ABCA8: variants seen among roughly 807,000 people sequenced by gnomAD.
The protein encoded by ABCA8 is ATP binding cassette subfamily A member 8, also known as ABC-type organic anion transporter ABCA8.
In ABCA8, 177 loss-of-function variants were observed where a neutral mutation model predicts 192.3. That is an observed-to-expected ratio of 0.92 (90% CI 0.81 to 1.04). ABCA8 has a LOEUF of 1.04. ABCA8 is among the 50% of genes least tolerant of loss of function. The pLI is 0.00. For missense variants in ABCA8, 1,915 were observed against 1,904.8 expected, an observed-to-expected ratio of 1.01 and a Z score of -0.10; for synonymous variants, 642 against 690.2, an observed-to-expected ratio of 0.93 and a Z score of 1.09.
intron 24 of ABCA8, among the ~76,000 whole-genome samples, chr17:68,887,907 TCC>T (rs72340258): frequency 0.28 from 14,956 of 54,256 alleles, 1,634 homozygotes; most frequent in East Asian, 0.56. Flanking sequence ...TATATATATA[TCC>T]ATATATATAT....
intron 2 of ABCA8, among the ~76,000 whole-genome samples, chr17:68,942,494 T>A (rs1868269462): frequency 6.6e-6 from 1 of 152,172 alleles, no homozygotes; most frequent in Non-Finnish European, 1.5e-5. Context: ...TTTTCTCCAA[T>A]GCAAAGTACC....
At chr17:68,929,275 C>T (rs370719463) in intron 8 of ABCA8, 41 bp from the exon 9 acceptor site, 1 of 1,443,146 alleles carries the variant, frequency 6.9e-7, no homozygotes, top group East Asian at 2.3e-5. Context: ...GTTTCTCTAA[C>T]ATTATTACTA....
chr17:68,896,668 C>G (rs1310144364), intron 21 of ABCA8, among the ~76,000 whole-genome samples: 1 of 151,982 alleles, frequency 6.6e-6, no homozygotes, highest in East Asian at 1.9e-4. Flanking sequence ...TTCAGTTAAC[C>G]CTGATTTTAC....
At chr17:68,887,961 TATAC>T (rs2066531297) in intron 24 of ABCA8, among the ~76,000 whole-genome samples, 2 of 135,724 alleles carry the variant, frequency 1.5e-5, no homozygotes, top group South Asian at 2.3e-4. Flanking sequence ...TATGGATATA[TATAC>T]ACACACATAT....
chr17:68,917,839 T>A (rs1216585765), intron 16 of ABCA8, among the ~76,000 whole-genome samples: 2 of 152,220 alleles, frequency 1.3e-5, no homozygotes, highest in Non-Finnish European at 2.9e-5. Context: ...AGATCATGCT[T>A]CTATGTGACC....
Position 68,893,982 on chromosome 17 carries a change from A to G in ABCA8, c.3036+191T>C, listed in dbSNP as rs1013575779. On this transcript the variant is annotated intron_variant, in intron 23 of 39. Coordinates refer to ENST00000586539, the MANE Select transcript of ABCA8 (RefSeq NM_001288985.2). ...CTTTGAAAAATGTTTTGTTCATTTT[A>G]TTTTACTTTAAACAAATTGAAGCTC... 1.1e-5 allele frequency: 6 copies of G among 550,876 alleles called. No homozygotes were observed. In the African/African-American group the frequency reaches 1.2e-4, roughly 11 times the overall value. 34.1% of individuals were successfully genotyped at this position (550,876 alleles called of 1,614,324 possible).
intron 6 of ABCA8, 120 bp downstream of exon 6, chr17:68,933,048 A>C: frequency 1.4e-6 from 1 of 729,274 alleles, no homozygotes; most frequent in South Asian, 1.7e-5. Flanking sequence ...AGTAAACTTC[A>C]GAGTGAGCAA....
At position 68,887,936 on chromosome 17, in the gene ABCA8, T is replaced by G. The variant is rs1450141517; in HGVS notation, c.3145-430A>C. ...TATATATATATATATTATATATGGA[T>G]ATATATATTATATATATGGATATAT... On this transcript the variant is annotated intron_variant, in intron 24 of 39. Transcript: ENST00000586539. 3.5e-3 allele frequency among the ~76,000 whole-genome samples: 361 copies of G among 103,696 alleles called. 25 individuals are homozygous for G. The highest frequency in any genetic ancestry group is 0.012 in the African/African-American group (350 of 28,684). 68.0% of individuals were successfully genotyped at this position (103,696 alleles called of 152,430 possible). A position where few individuals can be genotyped will look rare whatever the true frequency, so the allele number is the denominator to read the frequency against.
intron 18 of ABCA8, among the ~76,000 whole-genome samples, chr17:68,906,387 A>G (rs986966344): frequency 5.3e-5 from 8 of 152,144 alleles, no homozygotes; most frequent in Non-Finnish European, 1.0e-4. Context: ...GTCAAACATT[A>G]ATTTATATTC....
At chr17:68,909,015 AT>A (rs1013521232) in intron 17 of ABCA8, among the ~76,000 whole-genome samples, 1 of 152,148 alleles carries the variant, frequency 6.6e-6, no homozygotes, top group Non-Finnish European at 1.5e-5. Flanking sequence ...AATATATGCT[AT>A]TTTTTTAGAA....
At chr17:68,902,389 G>A (rs1426625122) in intron 21 of ABCA8, among the ~76,000 whole-genome samples, 1 of 152,098 alleles carries the variant, frequency 6.6e-6, no homozygotes. Context: ...ACAGTTCTGT[G>A]GATACACTGA....
intron 4 of ABCA8, among the ~76,000 whole-genome samples, chr17:68,939,618 C>G (rs1011750650): frequency 6.6e-6 from 1 of 152,066 alleles, no homozygotes; most frequent in Admixed American, 6.5e-5. Flanking sequence ...CTGGGAGAAC[C>G]AACCTGTGAA....
chr17:68,919,344 A>G lies in ABCA8; in HGVS notation c.1745T>C (p.Phe582Ser). ...TGGCAGAATCCCTTTTATTTTAGCA[A>G]AGAGTCTGAGGTTTTCTCTTACAGT... ...FLTVRENLRL[F>S]AKIKGILPQE... is the part of the protein sequence containing the mutation. Residue 582 changes from phenylalanine to serine, a missense_variant, in exon 14 of 40, where the codon TTT becomes TCT. By Grantham distance (155) the Phe-to-Ser change is radical. Transcript: ENST00000586539. 1.2e-6 allele frequency: 2 copies of G among 1,613,150 alleles called. No homozygotes were observed. Among genetic ancestry groups the G allele is most frequent in the East Asian group, 2.2e-5 (1 of 44,842 alleles).
chr17:68,885,830 A>G (rs1726997521), intron 26 of ABCA8, among the ~76,000 whole-genome samples: 1 of 152,168 alleles, frequency 6.6e-6, no homozygotes, highest in Non-Finnish European at 1.5e-5. Context: ...GGTTACAGGT[A>G]TAAGACACAC....
intron 14 of ABCA8, among the ~76,000 whole-genome samples, chr17:68,918,981 C>G (rs1331727320): frequency 6.7e-6 from 1 of 149,862 alleles, no homozygotes; most frequent in South Asian, 2.1e-4. Flanking sequence ...CCAAACTTTC[C>G]GGGTTTGAAT....
In ABCA8 at chr17:68,877,014, A is replaced by AT. The variant is rs905837449; in HGVS notation, c.4200-312dup. Among the ~76,000 whole-genome samples, 31 of 151,998 alleles carry AT rather than the reference A, an allele frequency of 2.0e-4. 1 individual carries two copies. The highest frequency in any genetic ancestry group is 6.8e-4 in the African/African-American group (28 of 41,478). On this transcript the variant is annotated intron_variant, in intron 33 of 39. Coordinates refer to ENST00000586539, the MANE Select transcript of ABCA8 (RefSeq NM_001288985.2). ...TTAAATTTTAAATTTTATTATTATT[A>AT]TTTTTTTGAGACAAGGTCTGACTCT...
At chr17:68,874,223 A>G (rs1195773464) in intron 37 of ABCA8, among the ~76,000 whole-genome samples, 3 of 152,182 alleles carry the variant, frequency 2.0e-5, no homozygotes, top group African/African-American at 7.2e-5. Context: ...CAAGGAATTT[A>G]TACTGCATAG....
intron 2 of ABCA8, chr17:68,944,857 G>C (rs1030292205): frequency 1.3e-5 from 2 of 152,182 alleles, no homozygotes; most frequent in African/African-American, 4.8e-5. Flanking sequence ...CTCTCACCAC[G>C]GCGGGGGAGA....
intron 17 of ABCA8, 138 bp from the exon 18 acceptor site, chr17:68,908,017 A>C: frequency 1.2e-6 from 1 of 810,492 alleles, no homozygotes; most frequent in Non-Finnish European, 1.7e-6. Context: ...CAAACACAAA[A>C]TAAGAGGACA....
Sources: allele counts gnomAD v4.1 joint callset (sites outside exome capture counted in the v4.1 genomes callset), GRCh38; gene constraint gnomAD v4.1.1; transcripts MANE v1.5; gene names NCBI Gene and HGNC (gene_info 2026-07-23, HGNC 2026-07-21).